Variants in DKK2 observed in about 807,000 individuals in gnomAD.
DKK2 encodes the protein dickkopf Wnt signaling pathway inhibitor 2, also known as dickkopf-related protein 2.
DKK2 carries 11 observed loss-of-function variants against 28.1 expected under a neutral mutation model. The ratio of observed to expected loss-of-function variants is 0.39; its 90% CI spans 0.25 to 0.65. The LOEUF is 0.65. Ranked by LOEUF, DKK2 falls within the 30% of genes least tolerant of loss-of-function variation. DKK2 has a pLI of 0.47. For synonymous variants in DKK2, 135 were observed against 126.5 expected (o/e 1.07, Z -0.45); for missense variants, 326 against 335.5 (o/e 0.97, Z 0.22).
intron 1 of DKK2, among the ~76,000 whole-genome samples, chr4:106,945,482 G>A (rs78881963): frequency 0.023 from 3,462 of 152,102 alleles, 143 homozygotes; most frequent in African/African-American, 0.08. Context: ...TCTGTACATA[G>A]AGCTTTTTGT....
At chr4:106,981,831 T>G (rs779928689) in intron 1 of DKK2, among the ~76,000 whole-genome samples, 26 of 152,164 alleles carry the variant, frequency 1.7e-4, no homozygotes, top group Non-Finnish European at 2.8e-4. Context: ...ACCCTATTTA[T>G]ATCATACTTA....
At chr4:106,990,494 T>TTAA (rs1351540957) in intron 1 of DKK2, among the ~76,000 whole-genome samples, 2 of 152,172 alleles carry the variant, frequency 1.3e-5, no homozygotes, top group African/African-American at 4.8e-5. Flanking sequence ...AACAAAGGGA[T>TTAA]TAATATCTAC....
chr4:106,990,170 CTAAT>C (rs1254851994), intron 1 of DKK2, among the ~76,000 whole-genome samples: 3 of 152,208 alleles, frequency 2.0e-5, no homozygotes, highest in East Asian at 1.9e-4. Context: ...AATTTTAACA[CTAAT>C]TAATAAATTA....
intron 1 of DKK2, among the ~76,000 whole-genome samples, chr4:106,972,501 T>C (rs931939929): frequency 6.6e-6 from 1 of 152,058 alleles, no homozygotes; most frequent in African/African-American, 2.4e-5. Context: ...AGATATATCT[T>C]ATTCTTTCAG....
intron 1 of DKK2, among the ~76,000 whole-genome samples, chr4:106,929,589 A>G (rs925678789): frequency 6.6e-6 from 1 of 152,204 alleles, no homozygotes; most frequent in African/African-American, 2.4e-5. Context: ...AAAAACAAAG[A>G]CATTTTCTGC....
At chr4:107,014,927 T>C (rs915614977) in intron 1 of DKK2, among the ~76,000 whole-genome samples, 1 of 151,608 alleles carries the variant, frequency 6.6e-6, no homozygotes, top group Non-Finnish European at 1.5e-5. Flanking sequence ...TATTCACCAA[T>C]GTTAACTCCC....
chr4:107,019,437 T>C lies in DKK2; in HGVS notation c.222+15933A>G, dbSNP rs539559708. Among the ~76,000 whole-genome samples the C allele has an allele frequency of 2.6e-5, 4 of 152,012 alleles. No individual in the cohort carries two copies. In the East Asian group the frequency reaches 7.8e-4, roughly 30 times the overall value. ...AAAGAGTTACTGAGTACTCCGCACA[T>C]AACAGAAGCTCACAGGGTTTAGGGA... On this transcript the variant is annotated intron_variant, in intron 1 of 3. Coordinates refer to ENST00000285311, the MANE Select transcript of DKK2 (RefSeq NM_014421.3).
At chr4:107,004,722 T>C (rs1723412118) in intron 1 of DKK2, among the ~76,000 whole-genome samples, 1 of 152,200 alleles carries the variant, frequency 6.6e-6, no homozygotes, top group Non-Finnish European at 1.5e-5. Context: ...TTAAGACTTT[T>C]GTATGGGAAG....
intron 1 of DKK2, among the ~76,000 whole-genome samples, chr4:107,026,638 C>T (rs1234437971): frequency 6.6e-6 from 1 of 152,102 alleles, no homozygotes. Flanking sequence ...ATGAAACAGA[C>T]CAGAGCACAG....
Position 106,927,465 on chromosome 4 carries a change from AGAAAAACCACCAACT to A in DKK2, c.223-1531_223-1517del, listed in dbSNP as rs142666524. On this transcript the variant is annotated intron_variant, in intron 1 of 3. Coordinates refer to ENST00000285311, the MANE Select transcript of DKK2 (RefSeq NM_014421.3). The stretch of plus-strand genomic sequence containing the variant: ...TTGTTTACCCTTTAAAGAATTATAT[AGAAAAACCACCAACT>A]TCAAATTGAAAGTTATTTTGAAGGA... 8.2e-4 allele frequency among the ~76,000 whole-genome samples: 125 copies of A among 152,354 alleles called. No homozygotes were observed. The East Asian group carries it at 0.023, about 29-fold the overall frequency.
intron 1 of DKK2, among the ~76,000 whole-genome samples, chr4:106,981,650 C>T (rs1723028033): frequency 6.6e-6 from 1 of 152,120 alleles, no homozygotes; most frequent in Admixed American, 6.5e-5. Context: ...ATTTACTTCC[C>T]ATTGTCTCCT....
intron 1 of DKK2, among the ~76,000 whole-genome samples, chr4:106,956,855 G>A (rs1419547347): frequency 6.6e-6 from 1 of 150,862 alleles, no homozygotes; most frequent in African/African-American, 2.4e-5. Flanking sequence ...AGGACTTCAT[G>A]TCTAAAACAC....
At chr4:107,023,810 A>G (rs1378406758) in intron 1 of DKK2, among the ~76,000 whole-genome samples, 3 of 152,048 alleles carry the variant, frequency 2.0e-5, no homozygotes, top group Non-Finnish European at 4.4e-5. Flanking sequence ...AAACCAATAA[A>G]ACCTATTAAC....
At chr4:106,998,938 C>A (rs972287492) in intron 1 of DKK2, among the ~76,000 whole-genome samples, 13 of 152,110 alleles carry the variant, frequency 8.5e-5, no homozygotes, top group Non-Finnish European at 1.2e-4. Context: ...GTCAGAGGAA[C>A]AACAGAGGTG....
intron 1 of DKK2, among the ~76,000 whole-genome samples, chr4:106,965,841 C>T (rs1400388332): frequency 3.4e-5 from 5 of 145,668 alleles, no homozygotes; most frequent in South Asian, 4.4e-4. Context: ...TGAGAATATG[C>T]GGTGTTTGGT....
intron 2 of DKK2, among the ~76,000 whole-genome samples, chr4:106,925,117 C>T (rs1039183003): frequency 1.3e-5 from 2 of 152,194 alleles, no homozygotes; most frequent in Non-Finnish European, 2.9e-5. Flanking sequence ...GGTGTGAGGT[C>T]TTCTTCCCTT....
At chr4:107,021,198 T>A (rs1723686490) in intron 1 of DKK2, among the ~76,000 whole-genome samples, 1 of 152,018 alleles carries the variant, frequency 6.6e-6, no homozygotes, top group African/African-American at 2.4e-5. Flanking sequence ...AACAATACAT[T>A]CATTTGACAT....
intron 1 of DKK2, among the ~76,000 whole-genome samples, chr4:106,982,779 C>T (rs1723043518): frequency 6.6e-6 from 1 of 151,236 alleles, no homozygotes; most frequent in Non-Finnish European, 1.5e-5. Flanking sequence ...GTGAAATGCA[C>T]CTGTAATCTC....
chr4:106,984,694 T>G (rs1267835394), intron 1 of DKK2, among the ~76,000 whole-genome samples: 1 of 152,244 alleles, frequency 6.6e-6, no homozygotes, highest in Non-Finnish European at 1.5e-5. Context: ...ATGTGACTAA[T>G]GCCACTAAGA....
Sources: allele counts gnomAD v4.1 joint callset (sites outside exome capture counted in the v4.1 genomes callset), GRCh38; gene constraint gnomAD v4.1.1; transcripts MANE v1.5; gene names NCBI Gene and HGNC (gene_info 2026-07-23, HGNC 2026-07-21).